DLG2: variants seen among roughly 807,000 people sequenced by gnomAD.
DLG2 encodes the protein disks large homolog 2.
DLG2 carries 45 observed loss-of-function variants against 132.5 expected under a neutral mutation model. The ratio of observed to expected loss-of-function variants is 0.34; its 90% confidence interval spans 0.27 to 0.44. DLG2 has a LOEUF of 0.44. Ranked by LOEUF, DLG2 falls within the 20% of genes least tolerant of loss-of-function variation. The pLI, the probability that DLG2 is intolerant of heterozygous loss-of-function variation, is 1.00. For missense variants in DLG2, 1,045 were observed against 1,196.9 expected (o/e 0.87, Z 1.87); for synonymous variants, 424 against 419.6 (o/e 1.01, Z -0.13).
intron 6 of DLG2, among the ~76,000 whole-genome samples, chr11:84,950,593 A>G (rs150411215): frequency 2.0e-5 from 3 of 152,310 alleles, no homozygotes; most frequent in East Asian, 3.9e-4. Context: ...TTTGTTCCAG[A>G]CACTATAGTA....
intron 3 of DLG2, among the ~76,000 whole-genome samples, chr11:85,510,750 A>G (rs941782037): frequency 1.3e-5 from 2 of 152,222 alleles, no homozygotes; most frequent in African/African-American, 2.4e-5. Flanking sequence ...GTGGAGAAAT[A>G]GGAACACTTT....
intron 8 of DLG2, among the ~76,000 whole-genome samples, chr11:84,166,339 T>C (rs182441266): frequency 1.1e-3 from 166 of 151,290 alleles, no homozygotes; most frequent in African/African-American, 3.5e-3. Context: ...CTGTCTCTAC[T>C]AAAATACAAA....
chr11:85,397,662 A>G (rs1309038712), intron 3 of DLG2, among the ~76,000 whole-genome samples: 2 of 152,194 alleles, frequency 1.3e-5, no homozygotes, highest in Non-Finnish European at 2.9e-5. Flanking sequence ...TAAACCAACA[A>G]AGATCAAAAG....
intron 3 of DLG2, among the ~76,000 whole-genome samples, chr11:85,323,435 T>C (rs2081220283): frequency 6.6e-6 from 1 of 152,238 alleles, no homozygotes; most frequent in African/African-American, 2.4e-5. Flanking sequence ...GCATAGAGTG[T>C]GCAATGATCA....
At chr11:85,181,061 G>A (rs998073533) in intron 4 of DLG2, among the ~76,000 whole-genome samples, 1 of 151,536 alleles carries the variant, frequency 6.6e-6, no homozygotes, top group Non-Finnish European at 1.5e-5. Context: ...TATTCTTCAA[G>A]AATATGAAAG....
At chr11:84,811,912 G>A (rs1287444484) in intron 6 of DLG2, among the ~76,000 whole-genome samples, 3 of 152,136 alleles carry the variant, frequency 2.0e-5, no homozygotes, top group Admixed American at 1.3e-4. Context: ...TATGAACAGA[G>A]TATCACAGGA....
intron 18 of DLG2, among the ~76,000 whole-genome samples, chr11:83,726,786 AACAG>A (rs1356605276): frequency 2.7e-5 from 4 of 147,056 alleles, no homozygotes; most frequent in Admixed American, 6.7e-5. Flanking sequence ...CAAACAAACA[AACAG>A]TGCTTTGAGG....
intron 10 of DLG2, among the ~76,000 whole-genome samples, chr11:84,061,129 A>C (rs1055486776): frequency 2.0e-5 from 3 of 152,198 alleles, no homozygotes; most frequent in Non-Finnish European, 2.9e-5. Flanking sequence ...GTGAAAGAAT[A>C]AGACTAAGTT....
At chr11:85,540,124 A>C (rs1488640997) in intron 3 of DLG2, among the ~76,000 whole-genome samples, 1 of 152,212 alleles carries the variant, frequency 6.6e-6, no homozygotes, top group African/African-American at 2.4e-5. Context: ...TGGTGCAGGA[A>C]GGGAAATGCT....
intron 6 of DLG2, among the ~76,000 whole-genome samples, chr11:85,011,783 C>A (rs933370106): frequency 3.3e-5 from 5 of 152,160 alleles, no homozygotes; most frequent in Admixed American, 1.3e-4. Flanking sequence ...TAAGACTCCT[C>A]CATCTATACA....
intron 16 of DLG2, among the ~76,000 whole-genome samples, chr11:83,850,709 G>C (rs1002719828): frequency 2.6e-5 from 4 of 152,152 alleles, no homozygotes; most frequent in Non-Finnish European, 5.9e-5. Flanking sequence ...ATACTCAGAA[G>C]AACAGAGCAG....
At chr11:85,335,811 G>A (rs1263039993) in intron 3 of DLG2, among the ~76,000 whole-genome samples, 1 of 151,998 alleles carries the variant, frequency 6.6e-6, no homozygotes, top group East Asian at 1.9e-4. Context: ...GGGGGACTAG[G>A]GGAGGGATAG....
intron 7 of DLG2, among the ~76,000 whole-genome samples, chr11:84,429,726 T>C (rs192457967): frequency 6.6e-6 from 1 of 152,354 alleles, no homozygotes; most frequent in Non-Finnish European, 1.5e-5. Flanking sequence ...GATTATCAAA[T>C]TTATCTTTAC....
Position 84,521,385 on chromosome 11 carries a change from C to T in DLG2, c.519+13185G>A, listed in dbSNP as rs529515200. Among the ~76,000 whole-genome samples the T allele has an allele frequency of 3.9e-5, 6 of 152,316 alleles. No homozygotes were observed. The East Asian group carries it at 5.8e-4, about 15-fold the overall frequency. On this transcript the variant is annotated intron_variant, in intron 7 of 27. Coordinates refer to ENST00000376104, the MANE Select transcript of DLG2 (RefSeq NM_001142699.3). The stretch of plus-strand genomic sequence containing the variant: ...TAAACTCAGGTCTAGGAATCCAAGA[C>T]CCGGATTCCTGTCTCAGCTATAGTG...
intron 5 of DLG2, among the ~76,000 whole-genome samples, chr11:85,122,974 T>TATATATATATATA (rs60013781): frequency 1.3e-4 from 9 of 67,898 alleles, no homozygotes; most frequent in East Asian, 9.8e-4. Flanking sequence ...TATATATTTT[T>TATATATATATATA]TTTTTTTTTT....
Position 84,529,402 on chromosome 11 carries a change from C to A in DLG2, c.519+5168G>T, listed in dbSNP as rs1242285128. 3.3e-5 allele frequency among the ~76,000 whole-genome samples: 5 copies of A among 152,112 alleles called. No homozygotes were observed. The East Asian group carries it at 9.6e-4, about 29-fold the overall frequency. On this transcript the variant is annotated intron_variant, in intron 7 of 27. Transcript: ENST00000376104. ...TGCTATACCTAGAAAACCCCTTAGT[C>A]TCTACCCAAAAGCTCCATGATCTGA...
intron 3 of DLG2, among the ~76,000 whole-genome samples, chr11:85,396,466 T>C (rs1322974819): frequency 6.6e-6 from 1 of 151,980 alleles, no homozygotes; most frequent in African/African-American, 2.4e-5. Context: ...AGGTCGGTAA[T>C]AACAAACTTC....
At chr11:84,232,494 A>G (rs1485784041) in intron 8 of DLG2, among the ~76,000 whole-genome samples, 2 of 152,206 alleles carry the variant, frequency 1.3e-5, no homozygotes, top group Non-Finnish European at 2.9e-5. Context: ...CCTAAAATTC[A>G]TATACTGAAA....
At chr11:85,608,136 G>A (rs1033465635) in intron 2 of DLG2, among the ~76,000 whole-genome samples, 3 of 152,112 alleles carry the variant, frequency 2.0e-5, no homozygotes, top group African/African-American at 7.2e-5. Context: ...CAACTATTCT[G>A]ATTAGCAGGG....
Sources: gnomAD v4.1 joint callset for allele counts (sites outside exome capture counted in the v4.1 genomes callset) on GRCh38, gnomAD v4.1.1 for gene constraint, MANE v1.5 for transcripts, NCBI Gene and HGNC (gene_info 2026-07-23, HGNC 2026-07-21) for gene names.